VWA5A: variants seen among roughly 807,000 people sequenced by gnomAD.
VWA5A encodes von Willebrand factor A domain-containing protein 5A.
In VWA5A, 77 loss-of-function variants were observed where a neutral mutation model predicts 84.6. That is an observed-to-expected ratio of 0.91 (90% confidence interval 0.76 to 1.10). VWA5A has a LOEUF of 1.10. Ranked by LOEUF, VWA5A falls within the 50% of genes least tolerant of loss-of-function variation. VWA5A has a pLI of 0.00. For synonymous variants in VWA5A, 334 were observed against 350.1 expected (o/e 0.95, Z 0.51); for missense variants, 973 against 963.0 (o/e 1.01, Z -0.14).
intron 11 of VWA5A, among the ~76,000 whole-genome samples, chr11:124,131,554 T>C (rs1288714478): frequency 2.0e-5 from 3 of 152,064 alleles, no homozygotes; most frequent in African/African-American, 7.2e-5. Flanking sequence ...ATTGTTTCCC[T>C]AGGTGTTTGA....
intron 2 of VWA5A, 56 bp from the exon 3 acceptor site, chr11:124,117,440 GT>G (rs1166563420): frequency 6.8e-7 from 1 of 1,479,498 alleles, no homozygotes; most frequent in Non-Finnish European, 9.5e-7. Flanking sequence ...TAAAGTACTG[GT>G]GTTTGAACAG....
rs143512974 is a variant in VWA5A, at chr11:124,129,738, C to G, written c.1245-5182C>G. 3.5e-3 allele frequency among the ~76,000 whole-genome samples: 532 copies of G among 152,160 alleles called. 2 individuals are homozygous for G. The highest frequency in any genetic ancestry group is 4.1e-3 in the Non-Finnish European group (282 of 68,004). ...GGGGTGTATGTGTCCAGGAATTTAT[C>G]CATTTCTTCTAGATTTTCTAGTTTA... On this transcript the variant is annotated intron_variant, in intron 11 of 18. Coordinates refer to ENST00000456829, the MANE Select transcript of VWA5A (RefSeq NM_001130142.2).
At position 124,141,688 on chromosome 11, in the gene VWA5A, T is replaced by C. The variant is rs1475919312; in HGVS notation, c.1970T>C (p.Met657Thr). Reference protein sequence around the residue: ...LMCYKAKTFQMDDYSLCGLIS... With the variant: ...LMCYKAKTFQTDDYSLCGLIS... ...TGTTATAAGGCCAAGACATTCCAGA[T>C]GGACGATTACAGTCTCTGTGGGTTG... The change falls in exon 16 of 19, where the codon ATG becomes ACG. Residue 657 changes from methionine (M) to threonine (T), a missense_variant. Transcript: ENST00000456829. 6.2e-7 allele frequency: 1 copy of C among 1,614,034 alleles called. No individual in the cohort carries two copies. The highest frequency in any genetic ancestry group is 1.3e-5 in the African/African-American group (1 of 74,910).
At chr11:124,119,135 CT>C in intron 7 of VWA5A, 46 bp downstream of exon 7, 2 of 1,531,052 alleles carry the variant, frequency 1.3e-6, no homozygotes, top group Middle Eastern at 1.7e-4. Flanking sequence ...GGGCAACTCC[CT>C]GTCTTGGAAT....
rs112306285 is a variant in VWA5A, at chr11:124,137,215, C to T, written c.1826C>T (p.Pro609Leu). ...VQGPLAHRDV[P>L]RPILLGASAP... Reference sequence around the variant, plus strand: ...GGGCCTCTGGCTCATAGGGACGTCCCAAGGCCAATTCTGTTGGGTGCTTCT... The same window carrying T: ...GGGCCTCTGGCTCATAGGGACGTCCTAAGGCCAATTCTGTTGGGTGCTTCT... The change falls in exon 15 of 19, where the codon CCA (proline) becomes CTA (leucine). Residue 609 changes from proline (P) to leucine (L), a missense_variant. By Grantham distance (98) the Pro-to-Leu change is moderately conservative. Coordinates refer to ENST00000456829, the MANE Select transcript of VWA5A (RefSeq NM_001130142.2). The T allele has an allele frequency of 8.1e-6, 13 of 1,614,016 alleles. No homozygotes were observed. Among genetic ancestry groups the T allele is most frequent in the Admixed American group, 3.3e-5 (2 of 59,996 alleles).
chr11:124,124,774 G>A (rs900071394), intron 11 of VWA5A: 3 of 155,544 alleles, frequency 1.9e-5, no homozygotes, highest in Non-Finnish European at 4.2e-5. Flanking sequence ...AAACTTTCCT[G>A]ACTTACAATA....
At chr11:124,145,482 T>C in intron 18 of VWA5A, 119 bp downstream of exon 18, 1 of 1,350,958 alleles carries the variant, frequency 7.4e-7, no homozygotes, top group African/African-American at 1.5e-5. Flanking sequence ...TTACTAATCT[T>C]TCTGCTAGTT....
Position 124,118,189 on chromosome 11 carries a change from G to A in VWA5A, c.247G>A (p.Ala83Thr), listed in dbSNP as rs765973072. 7 of 1,613,614 alleles carry A rather than the reference G, an allele frequency of 4.3e-6. No homozygotes were observed. Among genetic ancestry groups the A allele is most frequent in the Non-Finnish European group, 5.1e-6 (6 of 1,179,868 alleles). Residue 83 changes from alanine (A) to threonine (T), a missense_variant and splice_region_variant, in exon 5 of 19, where the codon GCC (alanine) becomes ACC (threonine). Physicochemically the swap from Ala to Thr is moderately conservative, Grantham distance 58 (BLOSUM62 0). Coordinates refer to ENST00000456829, the MANE Select transcript of VWA5A (RefSeq NM_001130142.2). ...IVAELQDKMK[A>T]RTNYEKAISQ... ...CCATCCCTCGCCCTGTGCTTCTCAG[G>A]CCCGCACCAACTATGAGAAAGCCAT...
chr11:124,138,975 T>C (rs1860673736), intron 15 of VWA5A, among the ~76,000 whole-genome samples: 1 of 152,234 alleles, frequency 6.6e-6, no homozygotes, highest in Non-Finnish European at 1.5e-5. Context: ...AAGGGTCTAA[T>C]GTTATTCTTT....
At chr11:124,137,543 A>G (rs1050631874) in intron 15 of VWA5A, among the ~76,000 whole-genome samples, 1 of 152,236 alleles carries the variant, frequency 6.6e-6, no homozygotes, top group Non-Finnish European at 1.5e-5. Flanking sequence ...CAAACTGCCT[A>G]ATCTGAAGCT....
chr11:124,128,435 G>C (rs1012760790), intron 11 of VWA5A, among the ~76,000 whole-genome samples: 1 of 152,200 alleles, frequency 6.6e-6, no homozygotes. Flanking sequence ...ATAGTTTGAA[G>C]CCAGGTAGCG....
chr11:124,125,679 G>C (rs1197051372), intron 11 of VWA5A, among the ~76,000 whole-genome samples: 2 of 152,138 alleles, frequency 1.3e-5, no homozygotes, highest in Non-Finnish European at 2.9e-5. Context: ...TTTGTGATGT[G>C]CTTTCAAGTC....
chr11:124,145,217 G>A lies in VWA5A; in HGVS notation c.2155-20G>A, dbSNP rs1261142540. On this transcript the variant is annotated intron_variant, in intron 17 of 18. Transcript: ENST00000456829. ...TGAGGGACTTCCTGTGCCAACTGGA[G>A]CTCTCTATCTACTGTGCAGCTTGTG... 3.1e-6 allele frequency: 5 copies of A among 1,595,642 alleles called. No homozygotes were observed. Among genetic ancestry groups the A allele is most frequent in the Non-Finnish European group, 4.3e-6 (5 of 1,171,372 alleles).
intron 9 of VWA5A, 81 bp downstream of exon 9, chr11:124,123,535 A>C: frequency 1.9e-6 from 3 of 1,601,696 alleles, no homozygotes. Flanking sequence ...GTTACTGCGG[A>C]GTTGACTTTG....
chr11:124,123,145 T>C lies in VWA5A; in HGVS notation c.930+16T>C. On this transcript the variant is annotated intron_variant, in intron 8 of 18. Coordinates refer to ENST00000456829, the MANE Select transcript of VWA5A (RefSeq NM_001130142.2). ...GGCAGCCAAGGTAAAGCTAGTTTCTTTCCTCTTCTGGGTCACATGCTCAAG... is the reference window on the plus strand; with the variant it reads ...GGCAGCCAAGGTAAAGCTAGTTTCTCTCCTCTTCTGGGTCACATGCTCAAG... 6.2e-7 allele frequency: 1 copy of C among 1,606,052 alleles called. No homozygotes were observed. The highest frequency in any genetic ancestry group is 2.2e-5 in the East Asian group (1 of 44,864).
chr11:124,119,037 G>A lies in VWA5A; in HGVS notation c.708G>A (p.Glu236=), dbSNP rs1374910347. The A allele has an allele frequency of 3.1e-6, 5 of 1,614,072 alleles. No homozygotes were observed. The highest frequency in any genetic ancestry group is 4.2e-6 in the Non-Finnish European group (5 of 1,180,060). ...RDVELLIYYN[E]VHTPSVVLEM... ...TGGAACTCCTGATTTACTACAATGA[G>A]GTGCATACCCCCAGCGTGGTTTTGG... The change falls in exon 7 of 19, where the codon GAG becomes GAA. Residue 236 remains glutamate, a synonymous_variant. Transcript: ENST00000456829.
intron 6 of VWA5A, 68 bp downstream of exon 6, chr11:124,118,776 C>T (rs1313348235): frequency 5.2e-6 from 8 of 1,542,212 alleles, no homozygotes; most frequent in Non-Finnish European, 7.0e-6. Flanking sequence ...GGTCCCCAAC[C>T]AGTTCTTCCC....
chr11:124,127,317 T>C (rs1018076561), intron 11 of VWA5A, among the ~76,000 whole-genome samples: 3 of 152,192 alleles, frequency 2.0e-5, no homozygotes, highest in African/African-American at 7.2e-5. Context: ...GTTTCCAACT[T>C]CATCCGTGTC....
intron 8 of VWA5A, 26 bp from the exon 9 acceptor site, chr11:124,123,338 CTG>C: frequency 6.2e-7 from 1 of 1,604,098 alleles, no homozygotes; most frequent in Non-Finnish European, 8.5e-7. Context: ...CTCTCTCACT[CTG>C]TCTCTTCATA....
Sources: allele counts gnomAD v4.1 joint callset (sites outside exome capture counted in the v4.1 genomes callset), GRCh38; gene constraint gnomAD v4.1.1; transcripts MANE v1.5; gene names NCBI Gene and HGNC (gene_info 2026-07-23, HGNC 2026-07-21).